Variants in MAGEB2 observed in about 807,000 individuals in gnomAD.
MAGEB2 encodes MAGE family member B2.
For missense variants in MAGEB2, 365 were observed against 243.2 expected, an observed-to-expected ratio of 1.50 and a Z score of -3.33; for synonymous variants, 107 against 96.2, an observed-to-expected ratio of 1.11 and a Z score of -0.66.
chrX:30,216,087 A>T (rs1296831242), intron 1 of MAGEB2, among the ~76,000 whole-genome samples: 1 of 110,603 alleles, frequency 9.0e-6, no homozygotes, highest in Non-Finnish European at 1.9e-5. Context: ...TCAACCTAAA[A>T]CCTAACTGGG....
At chrX:30,217,843 A>G (rs1411383407) in intron 1 of MAGEB2, among the ~76,000 whole-genome samples, 1 of 112,346 alleles carries the variant, frequency 8.9e-6, no homozygotes, top group African/African-American at 3.2e-5. Flanking sequence ...CAGTGGAGAC[A>G]TCAAAGAATC....
intron 1 of MAGEB2, 58 bp downstream of exon 1, chrX:30,215,713 C>T (rs1318178643): frequency 9.3e-6 from 1 of 107,638 alleles, no homozygotes; most frequent in Non-Finnish European, 1.9e-5. Flanking sequence ...AAGAGGGCCC[C>T]ACTAAGTCCC....
At position 30,219,004 on chromosome X, in the gene MAGEB2, G is replaced by A; in HGVS notation, c.424G>A (p.Gly142Ser). 8.3e-7 allele frequency: 1 copy of A among 1,210,709 alleles called. No homozygotes were observed. Among genetic ancestry groups the A allele is most frequent in the Non-Finnish European group, 1.1e-6 (1 of 894,988 alleles). The change falls in exon 2 of 2, where the codon GGC becomes AGC. Residue 142 changes from glycine (G) to serine (S), a missense_variant. Gly to Ser is a moderately conservative substitution (Grantham distance 56, BLOSUM62 0). Transcript: ENST00000378988. ...VTKGEMLKIV[G>S]KRFREHFPEI... ...AAAGGGAGAAATGCTGAAAATTGTTGGCAAAAGGTTCAGGGAGCACTTCCC... is the reference window on the plus strand; with the variant it reads ...AAAGGGAGAAATGCTGAAAATTGTTAGCAAAAGGTTCAGGGAGCACTTCCC...
intron 1 of MAGEB2, among the ~76,000 whole-genome samples, chrX:30,218,290 C>T (rs951072324): frequency 2.7e-5 from 3 of 111,734 alleles, no homozygotes; most frequent in African/African-American, 9.8e-5. Flanking sequence ...CTGCCAGTAC[C>T]TCCTGTCACC....
intron 1 of MAGEB2, 61 bp downstream of exon 1, chrX:30,215,716 T>A (rs1277229190): frequency 2.9e-5 from 3 of 103,172 alleles, no homozygotes; most frequent in African/African-American, 1.1e-4. Context: ...AGGGCCCCAC[T>A]AAGTCCCGCT....
Position 30,218,556 on chromosome X carries a change from A to T in MAGEB2, c.-5-20A>T, listed in dbSNP as rs747116536. On this transcript the variant is annotated intron_variant, in intron 1 of 1. Transcript: ENST00000378988. ...ATACTAACCATCTATTCTTCTGCCC[A>T]CATTTCTTGGTTTACCCAGCCATCA... is the stretch of plus-strand genomic sequence containing the variant. 8.4e-7 allele frequency: 1 copy of T among 1,184,425 alleles called. No homozygotes were observed. Among genetic ancestry groups the T allele is most frequent in the East Asian group, 3.0e-5 (1 of 33,523 alleles).
At chrX:30,216,502 G>A (rs1924400666) in intron 1 of MAGEB2, among the ~76,000 whole-genome samples, 1 of 111,470 alleles carries the variant, frequency 9.0e-6, no homozygotes, top group African/African-American at 3.3e-5. Context: ...CACTCTTGTT[G>A]TCAGACCAGG....
chrX:30,216,657 G>A (rs766708296), intron 1 of MAGEB2, among the ~76,000 whole-genome samples: 23 of 110,690 alleles, frequency 2.1e-4, no homozygotes, highest in Non-Finnish European at 4.2e-4. Flanking sequence ...GAGACAGGCG[G>A]ATCACGAGGT....
At chrX:30,216,774 A>C (rs1242371321) in intron 1 of MAGEB2, among the ~76,000 whole-genome samples, 2 of 107,378 alleles carry the variant, frequency 1.9e-5, no homozygotes, top group Non-Finnish European at 3.8e-5. Flanking sequence ...AATCCCAGCT[A>C]CTCGGGAGGC....
Position 30,215,657 on chromosome X carries a change from T to G in MAGEB2, c.-6+2T>G, listed in dbSNP as rs113294066. 9.1e-6 allele frequency: 1 copy of G among 110,072 alleles called. No individual in the cohort carries two copies. Among genetic ancestry groups the G allele is most frequent in the Non-Finnish European group, 1.9e-5 (1 of 52,726 alleles). 9.1% of individuals were successfully genotyped at this position (110,072 alleles called of 1,213,427 possible). On this transcript the variant is annotated splice_donor_variant, in intron 1 of 1. Transcript: ENST00000378988. LOFTEE classifies it low-confidence loss of function (5UTR_SPLICE). ...TCTCAGGACTGGTCGGCAGTCAAGG[T>G]GAGGACCCTGAGTGTAAACTGAAGA...
rs1924516206 is a variant in MAGEB2 at position 30,219,679 on chromosome X, T to C, written c.*139T>C. On this transcript the variant is annotated 3_prime_UTR_variant, in exon 2 of 2. Coordinates refer to ENST00000378988, the MANE Select transcript of MAGEB2 (RefSeq NM_002364.5). ...AATTCAAAAGGCCTGTTAACCTTTG[T>C]TCTTGTTATGCATGAATAACTTGTT... The C allele has an allele frequency of 2.0e-6, 1 of 511,812 alleles. No homozygotes were observed. Among genetic ancestry groups the C allele is most frequent in the Admixed American group, 4.5e-5 (1 of 22,318 alleles). The allele number at this position is 511,812 out of a possible 1,213,427, so 42.2% of individuals were successfully genotyped here.
chrX:30,216,705 C>T (rs1165482839), intron 1 of MAGEB2, among the ~76,000 whole-genome samples: 1 of 99,348 alleles, frequency 1.0e-5, no homozygotes, highest in Admixed American at 1.1e-4. Flanking sequence ...ACGGTGAAAC[C>T]CTGTCTCTAC....
chrX:30,215,751 C>T (rs771996185), intron 1 of MAGEB2, 96 bp downstream of exon 1: 10 of 100,080 alleles, frequency 1.0e-4, no homozygotes, highest in African/African-American at 2.3e-4. Flanking sequence ...TGAGAGGCTC[C>T]GGTAAAGCCG....
Position 30,218,636 on chromosome X carries a change from G to T in MAGEB2, c.56G>T (p.Arg19Leu). 8.3e-7 allele frequency: 1 copy of T among 1,211,195 alleles called. No individual in the cohort carries two copies. The highest frequency in any genetic ancestry group is 1.8e-5 in the South Asian group (1 of 56,778). Reference protein sequence around the residue: ...LRAREKRRKARDETRGLNVPQ... With the variant: ...LRAREKRRKALDETRGLNVPQ... The stretch of plus-strand genomic sequence containing the variant: ...GCCCGTGAGAAACGCCGCAAGGCCC[G>T]AGATGAGACCCGGGGTCTCAATGTT... Residue 19 changes from arginine (R) to leucine (L), a missense_variant, in exon 2 of 2, where the codon CGA becomes CTA. Transcript: ENST00000378988.
Position 30,219,479 on chromosome X carries a change from C to G in MAGEB2, c.899C>G (p.Pro300Arg), listed in dbSNP as rs772469237. The stretch of plus-strand genomic sequence containing the variant: ...TTGGCCAAGGTAAATGGTACCACCC[C>G]CTGTGCCTTCCCAACCCATTACGAA... ...EFLAKVNGTTPCAFPTHYEEA... is the reference protein window; with the variant it reads ...EFLAKVNGTTRCAFPTHYEEA... The change falls in exon 2 of 2, where the codon CCC becomes CGC. Residue 300 changes from proline (P) to arginine (R), a missense_variant. By Grantham distance (103) the Pro-to-Arg change is moderately radical (BLOSUM62 -2). Coordinates refer to ENST00000378988, the MANE Select transcript of MAGEB2 (RefSeq NM_002364.5). 48 of 1,208,923 alleles carry G rather than the reference C, an allele frequency of 4.0e-5. 1 individual carries two copies. In the South Asian group the frequency reaches 7.8e-4, roughly 20 times the overall value.
In MAGEB2 at chrX:30,218,627, G is replaced by T. The variant is rs151181148; in HGVS notation, c.47G>T (p.Arg16Leu). 908 of 1,209,062 alleles carry T rather than the reference G, an allele frequency of 7.5e-4. 1 individual carries two copies. Among genetic ancestry groups the T allele is most frequent in the Non-Finnish European group, 9.6e-4 (863 of 894,717 alleles). Reference sequence around the variant, plus strand: ...AAGCTCCGTGCCCGTGAGAAACGCCGCAAGGCCCGAGATGAGACCCGGGGT... The same window carrying T: ...AAGCTCCGTGCCCGTGAGAAACGCCTCAAGGCCCGAGATGAGACCCGGGGT... The part of the protein sequence containing the change: ...KSKLRAREKR[R>L]KARDETRGLN... The change falls in exon 2 of 2, where the codon CGC (arginine) becomes CTC (leucine). Residue 16 changes from arginine to leucine, a missense_variant. Arg to Leu is a moderately radical substitution (Grantham distance 102). Coordinates refer to ENST00000378988, the MANE Select transcript of MAGEB2 (RefSeq NM_002364.5).
In MAGEB2 at chrX:30,219,681, C is replaced by G. The variant is rs1303472461; in HGVS notation, c.*141C>G. ...TTCAAAAGGCCTGTTAACCTTTGTT[C>G]TTGTTATGCATGAATAACTTGTTGA... is the stretch of plus-strand genomic sequence containing the variant. On this transcript the variant is annotated 3_prime_UTR_variant, in exon 2 of 2. Transcript: ENST00000378988. 1.2e-5 allele frequency: 6 copies of G among 487,472 alleles called. No individual in the cohort carries two copies. The African/African-American group carries it at 1.2e-4, about 10-fold the overall frequency. 40.2% of individuals were successfully genotyped at this position (487,472 alleles called of 1,213,427 possible).
At position 30,219,502 on chromosome X, in the gene MAGEB2, G is replaced by C; in HGVS notation, c.922G>C (p.Glu308Gln). Residue 308 changes from glutamate to glutamine, a missense_variant, in exon 2 of 2, where the codon GAA becomes CAA. Coordinates refer to ENST00000378988, the MANE Select transcript of MAGEB2 (RefSeq NM_002364.5). ...CCCCTGTGCCTTCCCAACCCATTAC[G>C]AAGAAGCTTTGAAAGATGAAGAGAA... ...TTPCAFPTHY[E>Q]EALKDEEKAG... 1.7e-6 allele frequency: 2 copies of C among 1,207,076 alleles called. No individual in the cohort carries two copies. Among genetic ancestry groups the C allele is most frequent in the Non-Finnish European group, 2.2e-6 (2 of 893,216 alleles).
rs542465117 is a variant in MAGEB2 at position 30,219,754 on chromosome X, G to T, written c.*214G>T. 2.4e-4 allele frequency: 77 copies of T among 324,278 alleles called. No homozygotes were observed. Among genetic ancestry groups the T allele is most frequent in the African/African-American group, 1.9e-3 (70 of 37,602 alleles). The allele number at this position is 324,278 out of a possible 1,213,427, so 26.7% of individuals were successfully genotyped here. ...ACTAGTGTTTCAACAGGTTTATTTAGATTCAGAATGTAAATTTACAAATGA... is the reference window on the plus strand; with the variant it reads ...ACTAGTGTTTCAACAGGTTTATTTATATTCAGAATGTAAATTTACAAATGA... On this transcript the variant is annotated 3_prime_UTR_variant, in exon 2 of 2. Transcript: ENST00000378988.
Sources: allele counts gnomAD v4.1 joint callset (sites outside exome capture counted in the v4.1 genomes callset), GRCh38; gene constraint gnomAD v4.1.1; transcripts MANE v1.5; gene names NCBI Gene and HGNC (gene_info 2026-07-23, HGNC 2026-07-21).